The following ANKRD54 variants were observed in gnomAD, a reference collection of about 807,000 sequenced individuals.
The protein encoded by ANKRD54 is ankyrin repeat domain 54.
A neutral mutation model predicts 36.2 loss-of-function variants in ANKRD54; 26 were observed. The observed-to-expected ratio is 0.72, with a 90% confidence interval of 0.53 to 1.00. The LOEUF is 1.00. ANKRD54 is among the 50% of genes least tolerant of loss of function. The pLI is 0.00. For missense variants in ANKRD54, 384 were observed against 424.3 expected (o/e 0.91, Z 0.83); for synonymous variants, 209 against 188.4 (o/e 1.11, Z -0.89).
In ANKRD54 at chr22:37,833,190, G is replaced by A. The variant is rs762161155; in HGVS notation, c.564C>T (p.His188=). 16 of 1,613,764 alleles carry A rather than the reference G, an allele frequency of 9.9e-6. No homozygotes were observed. The highest frequency in any genetic ancestry group is 4.0e-5 in the African/African-American group (3 of 75,034). The change falls in exon 5 of 8, where the codon CAC becomes CAT. Residue 188 remains histidine (H), a synonymous_variant. Coordinates refer to ENST00000215941, the MANE Select transcript of ANKRD54 (RefSeq NM_138797.4). The part of the protein sequence containing the change: ...TPLHLAACTN[H]VPVITTLLRG... ...GTAGCAGTGTGGTGATGACAGGAAC[G>A]TGGTTGGTGCAGGCCGCTGAGGAAG...
intron 3 of ANKRD54, among the ~76,000 whole-genome samples, chr22:37,837,095 G>A (rs1322957232): frequency 6.6e-5 from 10 of 151,356 alleles, no homozygotes; most frequent in African/African-American, 2.4e-4. Context: ...TCAGAGAAAT[G>A]CAAATTAAAC....
intron 3 of ANKRD54, among the ~76,000 whole-genome samples, chr22:37,836,726 T>TA (rs757093853): frequency 8.0e-5 from 12 of 150,822 alleles, no homozygotes; most frequent in African/African-American, 2.0e-4. Flanking sequence ...TCCCAGAACT[T>TA]AAAGTTTAAA....
intron 3 of ANKRD54, chr22:37,833,974 T>C (rs1185967227): frequency 3.6e-6 from 2 of 548,250 alleles, no homozygotes; most frequent in East Asian, 2.9e-5. Flanking sequence ...GAGGGCCTCT[T>C]GGCCTATGCA....
chr22:37,833,906 CACTT>C (rs1185226139), intron 3 of ANKRD54, 151 bp from the exon 4 acceptor site: 24 of 677,362 alleles, frequency 3.5e-5, no homozygotes, highest in East Asian at 5.6e-5. Flanking sequence ...CTCACTCACT[CACTT>C]ACTTACCAGA....
intron 2 of ANKRD54, among the ~76,000 whole-genome samples, chr22:37,839,541 C>T (rs952163986): frequency 6.6e-6 from 1 of 152,184 alleles, no homozygotes; most frequent in African/African-American, 2.4e-5. Flanking sequence ...GCGCCCACCA[C>T]CACGTCCGGC....
upstream of ANKRD54, among the ~76,000 whole-genome samples, chr22:37,847,983 G>C (rs5756836): frequency 2.4e-4 from 37 of 152,084 alleles, no homozygotes; most frequent in Non-Finnish European, 4.1e-4. Flanking sequence ...CACTGCATTC[G>C]ATTCTAGACT....
Position 37,843,971 on chromosome 22 carries a change from G to A in ANKRD54, c.268C>T (p.Arg90Trp). Residue 90 changes from arginine to tryptophan, a missense_variant, in exon 1 of 8, where the codon CGG (arginine) becomes TGG (tryptophan). This residue lies in a region of ANKRD54 where 195 missense variants were observed against 177.7 expected (regional missense o/e 1.10). Coordinates refer to ENST00000215941, the MANE Select transcript of ANKRD54 (RefSeq NM_138797.4). ...TGGGGCCTGGCAGCGCGCCTCAGCC[G>A]GCCAGCGGGTATCTTGCAGCGCAGC... ...DELRCKIPAGRLRRAARPHRR... is the reference protein window; with the variant it reads ...DELRCKIPAGWLRRAARPHRR... 3.5e-6 allele frequency: 5 copies of A among 1,414,096 alleles called. No individual in the cohort carries two copies. Among genetic ancestry groups the A allele is most frequent in the Non-Finnish European group, 4.6e-6 (5 of 1,086,476 alleles). 87.6% of individuals were successfully genotyped at this position (1,414,096 alleles called of 1,614,324 possible).
Position 37,831,962 on chromosome 22 carries a change from T to C in ANKRD54, c.884A>G (p.Gln295Arg). 6.2e-7 allele frequency: 1 copy of C among 1,613,762 alleles called. No individual in the cohort carries two copies. Among genetic ancestry groups the C allele is most frequent in the South Asian group, 1.1e-5 (1 of 90,940 alleles). The part of the protein sequence containing the change: ...ASFTSLSLQM[Q>R]SMEKR ...CTCTTGCTACCTCTTCTCCATGCTC[T>C]GCATCTGCAGACTGAGGGAGGTGAA... Residue 295 changes from glutamine to arginine, a missense_variant, in exon 8 of 8, where the codon CAG becomes CGG. Gln to Arg is a conservative substitution (Grantham distance 43, BLOSUM62 1). This residue lies in a region of ANKRD54 where 179 missense variants were observed against 224.0 expected (regional missense o/e 0.80). Coordinates refer to ENST00000215941, the MANE Select transcript of ANKRD54 (RefSeq NM_138797.4).
At chr22:37,847,188 G>A (rs1449069383), upstream of ANKRD54, among the ~76,000 whole-genome samples, 1 of 140,032 alleles carries the variant, frequency 7.1e-6, no homozygotes, top group Admixed American at 7.4e-5. Context: ...TTTTGAGGCA[G>A]TTTTGCTCTT....
At position 37,835,268 on chromosome 22, in the gene ANKRD54, G is replaced by A. The variant is rs1009704873; in HGVS notation, c.476-1513C>T. Among the ~76,000 whole-genome samples, 3 of 151,644 alleles carry A rather than the reference G, an allele frequency of 2.0e-5. No homozygotes were observed. The East Asian group carries it at 5.8e-4, about 29-fold the overall frequency. On this transcript the variant is annotated intron_variant, in intron 3 of 7. Transcript: ENST00000215941. ...TCCCAGCTACTCAGGAGGCTGAGGT[G>A]GGAGAATAGCTTGAACCTGGGGAGC...
chr22:37,834,697 C>CAAAAAAAAAAAAAAAAAAAAA, intron 3 of ANKRD54: 1 of 43,380 alleles, frequency 2.3e-5, no homozygotes, highest in Non-Finnish European at 3.7e-5. Context: ...GACCCTGTCT[C>CAAAAAAAAAAAAAAAAAAAAA]AAAAAAAAAA....
upstream of ANKRD54, among the ~76,000 whole-genome samples, chr22:37,845,992 G>C (rs1924820019): frequency 6.6e-6 from 1 of 152,018 alleles, no homozygotes; most frequent in East Asian, 1.9e-4. Flanking sequence ...GGCTAACATG[G>C]TGAAACCCCG....
upstream of ANKRD54, chr22:37,849,243 C>G (rs1416798525): frequency 1.6e-6 from 1 of 624,260 alleles, no homozygotes; most frequent in East Asian, 2.9e-5. Context: ...CCGCCCGCCT[C>G]GGCCTCCCAA....
chr22:37,842,300 G>T (rs983484482), intron 1 of ANKRD54, among the ~76,000 whole-genome samples: 8 of 152,188 alleles, frequency 5.3e-5, no homozygotes, highest in African/African-American at 1.9e-4. Context: ...GGAGAAACTT[G>T]AAATGAGGCG....
At chr22:37,849,187 T>A (rs1218367396), upstream of ANKRD54, 1 of 502,272 alleles carries the variant, frequency 2.0e-6, no homozygotes, top group African/African-American at 2.0e-5. Context: ...GGTTTCTCCA[T>A]ATTGGTCAGG....
intron 6 of ANKRD54, 94 bp downstream of exon 6, chr22:37,832,864 G>T (rs1923065348): frequency 6.2e-7 from 1 of 1,603,066 alleles, no homozygotes; most frequent in East Asian, 2.2e-5. Context: ...CAACCCAGGA[G>T]CCCTGGGACC....
At chr22:37,836,400 C>T (rs1189009017) in intron 3 of ANKRD54, among the ~76,000 whole-genome samples, 1 of 134,010 alleles carries the variant, frequency 7.5e-6, no homozygotes, top group African/African-American at 2.8e-5. Flanking sequence ...TAGCCGAGAT[C>T]ACGCCATTGC....
chr22:37,836,917 T>C (rs946338724), intron 3 of ANKRD54, among the ~76,000 whole-genome samples: 1 of 150,644 alleles, frequency 6.6e-6, no homozygotes, highest in African/African-American at 2.4e-5. Context: ...TAATCCCAGC[T>C]ACCCGGGAGG....
chr22:37,834,257 C>G (rs770427650), intron 3 of ANKRD54: 23 of 155,910 alleles, frequency 1.5e-4, no homozygotes, highest in Non-Finnish European at 2.7e-4. Context: ...ACAGGGAGGT[C>G]AGGCTGAGCC....
Sources: gnomAD v4.1 joint callset for allele counts (sites outside exome capture counted in the v4.1 genomes callset) on GRCh38, gnomAD v4.1.1 for gene constraint, gnomAD v4.1.1 regional missense constraint, MANE v1.5 for transcripts, NCBI Gene and HGNC (gene_info 2026-07-23, HGNC 2026-07-21) for gene names.